RPTOR: variants seen among roughly 807,000 people sequenced by gnomAD.
RPTOR encodes the protein regulatory-associated protein of mTOR.
RPTOR carries 21 observed loss-of-function variants against 169.9 expected under a neutral mutation model. The observed-to-expected ratio is 0.12, with a 90% CI of 0.09 to 0.18. The LOEUF is 0.18. Ranked by LOEUF, RPTOR falls within the 10% of genes least tolerant of loss-of-function variation. The probability of loss-of-function intolerance (pLI) is 1.00; values close to 1 mark genes in which losing one functional copy is unlikely to be tolerated. For synonymous variants in RPTOR, 732 were observed against 753.2 expected (o/e 0.97, Z 0.46); for missense variants, 1,133 against 1,855.9 (o/e 0.61, Z 7.16).
At chr17:80,755,754 A>G (rs1321232080) in intron 6 of RPTOR, among the ~76,000 whole-genome samples, 1 of 151,240 alleles carries the variant, frequency 6.6e-6, no homozygotes, top group Non-Finnish European at 1.5e-5. Flanking sequence ...AAAAAAAAAA[A>G]AAAAGAAACA....
At position 80,957,784 on chromosome 17, in the gene RPTOR, GC is replaced by G. The variant is rs2069272557; in HGVS notation, c.3477+55del. ...GGGCCTGTGGGGCAGTGTGTGCAGG[GC>G]TGGTCCTCGTCACAGAACCCAGCAA... On this transcript the variant is annotated intron_variant, in intron 29 of 33. Transcript: ENST00000306801. The surrounding 1 kb of genome is among the most constrained non-coding windows in gnomAD (Gnocchi z 4.6). The G allele has an allele frequency of 1.3e-6, 2 of 1,517,308 alleles. No homozygotes were observed. The highest frequency in any genetic ancestry group is 2.7e-5 in the African/African-American group (2 of 73,136). 94.0% of individuals were successfully genotyped at this position (1,517,308 alleles called of 1,614,324 possible).
At chr17:80,797,936 C>A (rs527239858) in intron 7 of RPTOR, among the ~76,000 whole-genome samples, 28 of 152,312 alleles carry the variant, frequency 1.8e-4, no homozygotes, top group Admixed American at 1.6e-3. Flanking sequence ...CCGTGCGGTA[C>A]AGTTGAGAGA....
rs188141418 is a variant in RPTOR at position 80,545,963 on chromosome 17, A to G, written c.162+172A>G. Among the ~76,000 whole-genome samples, 147 of 152,302 alleles carry G rather than the reference A, an allele frequency of 9.7e-4. 1 individual carries two copies. Among genetic ancestry groups the G allele is most frequent in the Non-Finnish European group, 7.4e-5 (5 of 68,022 alleles). ...CTGCAGTTTTTGGTTGAAAATGGAA[A>G]ATGCTGTTTTGGTTAGTCATTATTC... On this transcript the variant is annotated intron_variant, in intron 1 of 33. Transcript: ENST00000306801.
chr17:80,903,744 G>A (rs757700653), intron 20 of RPTOR, among the ~76,000 whole-genome samples: 1 of 152,140 alleles, frequency 6.6e-6, no homozygotes, highest in Non-Finnish European at 1.5e-5. Context: ...CCCCAGTAGT[G>A]AGTTCCGGCC....
intron 25 of RPTOR, among the ~76,000 whole-genome samples, chr17:80,941,048 G>GCGC (rs2144039167): frequency 6.6e-6 from 1 of 152,296 alleles, no homozygotes; most frequent in African/African-American, 2.4e-5. Context: ...TACACATGGC[G>GCGC]CATCCTTCCC....
At position 80,662,329 on chromosome 17, in the gene RPTOR, A is replaced by G. The variant is rs115559995; in HGVS notation, c.348+18519A>G. On this transcript the variant is annotated intron_variant, in intron 3 of 33. Coordinates refer to ENST00000306801, the MANE Select transcript of RPTOR (RefSeq NM_020761.3). The stretch of plus-strand genomic sequence containing the variant: ...ACAAAACCAATTCACGGAGGCTGCA[A>G]TATTGTAGTAAAGAAAGAATTTAAC... 6.7e-3 allele frequency among the ~76,000 whole-genome samples: 1,014 copies of G among 152,308 alleles called. 14 individuals carry two copies. Among genetic ancestry groups the G allele is most frequent in the African/African-American group, 0.023 (962 of 41,568 alleles).
At chr17:80,792,578 C>T (rs1214503296) in intron 7 of RPTOR, among the ~76,000 whole-genome samples, 1 of 152,118 alleles carries the variant, frequency 6.6e-6, no homozygotes, top group Non-Finnish European at 1.5e-5. Flanking sequence ...TAACAGAGCT[C>T]AGTGCCCAGA....
intron 17 of RPTOR, among the ~76,000 whole-genome samples, chr17:80,885,373 G>A (rs551869392): frequency 3.3e-5 from 5 of 152,322 alleles, no homozygotes; most frequent in South Asian, 4.1e-4. Flanking sequence ...TGCGCCTCCC[G>A]GCAGCTTGTG....
intron 4 of RPTOR, among the ~76,000 whole-genome samples, chr17:80,720,888 C>T (rs1040691348): frequency 1.3e-5 from 2 of 150,630 alleles, no homozygotes; most frequent in East Asian, 1.9e-4. Flanking sequence ...CCTTTGAGAA[C>T]CCCTGGTATG....
chr17:80,641,531 A>G (rs1440305556), intron 2 of RPTOR, among the ~76,000 whole-genome samples: 1 of 152,218 alleles, frequency 6.6e-6, no homozygotes, highest in African/African-American at 2.4e-5. Flanking sequence ...GCCAAAAACT[A>G]TACAGGTGGC....
rs768122802 is a variant in RPTOR, at chr17:80,945,683, C to T, written c.3042C>T (p.Asp1014=). 1.6e-5 allele frequency: 26 copies of T among 1,610,436 alleles called. No individual in the cohort carries two copies. Among genetic ancestry groups the T allele is most frequent in the African/African-American group, 8.1e-5 (6 of 74,420 alleles). Reference sequence around the variant, plus strand: ...TTTTGACAGGCATTACGAGATTGGACGACCAAATATTTCTGAACAGGAACC... The same window carrying T: ...TTTTGACAGGCATTACGAGATTGGATGACCAAATATTTCTGAACAGGAACC... ...QVIQKGITRL[D]DQIFLNRNPG... Residue 1014 remains aspartate (D), a synonymous_variant, in exon 26 of 34, where the codon GAC becomes GAT. Coordinates refer to ENST00000306801, the MANE Select transcript of RPTOR (RefSeq NM_020761.3).
rs149549243 is a variant in RPTOR, at chr17:80,685,420, C to T, written c.349-22421C>T. Among the ~76,000 whole-genome samples the T allele has an allele frequency of 2.4e-3, 357 of 150,562 alleles. 2 individuals carry two copies. The highest frequency in any genetic ancestry group is 8.3e-3 in the African/African-American group (339 of 40,788). On this transcript the variant is annotated intron_variant, in intron 3 of 33. Transcript: ENST00000306801. ...CCTCCTGAGTAGCTGGGACTACGGC[C>T]GTGTACCACCATGCCCAGCTAATTA...
chr17:80,702,629 G>T (rs550254289), intron 3 of RPTOR, among the ~76,000 whole-genome samples: 1 of 152,160 alleles, frequency 6.6e-6, no homozygotes, highest in Admixed American at 6.5e-5. Flanking sequence ...TATCTGTGGC[G>T]CCTTTCATGC....
At chr17:80,769,596 C>G (rs1467862006) in intron 6 of RPTOR, among the ~76,000 whole-genome samples, 8 of 152,210 alleles carry the variant, frequency 5.3e-5, no homozygotes, top group Non-Finnish European at 1.2e-4. Context: ...CATCAGTGCT[C>G]TTCTTGGAGA....
At chr17:80,858,581 CCCTGTTGTGAGGCAGGGTCACCT>C (rs1202675143) in intron 13 of RPTOR, among the ~76,000 whole-genome samples, 1 of 152,218 alleles carries the variant, frequency 6.6e-6, no homozygotes, top group East Asian at 1.9e-4. Context: ...GTGACACCAG[CCCTGTTGTGAGGCAGGGTCACCT>C]CCTGCAGGAG....
At chr17:80,712,181 G>GT (rs1212555771) in intron 4 of RPTOR, among the ~76,000 whole-genome samples, 2 of 152,156 alleles carry the variant, frequency 1.3e-5, no homozygotes, top group East Asian at 3.9e-4. Context: ...GGTTTGTTAT[G>GT]TTTTTTACAA....
intron 6 of RPTOR, among the ~76,000 whole-genome samples, chr17:80,789,336 C>T (rs1410895826): frequency 1.3e-5 from 2 of 152,134 alleles, no homozygotes; most frequent in Non-Finnish European, 2.9e-5. Context: ...TAGGACTAGG[C>T]TCTTTTGGCT....
chr17:80,900,386 C>T (rs556600207), intron 20 of RPTOR, among the ~76,000 whole-genome samples: 1 of 151,988 alleles, frequency 6.6e-6, no homozygotes, highest in Admixed American at 6.6e-5. Context: ...GGTTTAATGG[C>T]GCGATCTCTG....
chr17:80,850,288 C>G (rs1204320312), intron 11 of RPTOR, among the ~76,000 whole-genome samples: 1 of 152,230 alleles, frequency 6.6e-6, no homozygotes, highest in Non-Finnish European at 1.5e-5. Flanking sequence ...CTCCCACTCA[C>G]TTATACATGA....
Sources: gnomAD v4.1 joint callset for allele counts (sites outside exome capture counted in the v4.1 genomes callset) on GRCh38, gnomAD v4.1.1 for gene constraint, Gnocchi (gnomAD v3.1) non-coding constraint, MANE v1.5 for transcripts, NCBI Gene and HGNC (gene_info 2026-07-23, HGNC 2026-07-21) for gene names.